AGBL1: variants seen among roughly 807,000 people sequenced by gnomAD.
AGBL1 encodes the protein AGBL carboxypeptidase 1.
AGBL1 carries 130 observed loss-of-function variants against 118.9 expected under a neutral mutation model. The observed-to-expected ratio is 1.09, with a 90% CI of 0.95 to 1.26. The LOEUF is 1.26. Among genes scored for constraint, AGBL1 ranks in the 50% most tolerant of loss-of-function variants. The pLI is 0.00. For synonymous variants in AGBL1, 555 were observed against 478.9 expected, an observed-to-expected ratio of 1.16 and a Z score of -2.08; for missense variants, 1,584 against 1,298.1, an observed-to-expected ratio of 1.22 and a Z score of -3.38.
At chr15:86,747,553 T>A (rs1017047429) in intron 22 of AGBL1, among the ~76,000 whole-genome samples, 1 of 152,172 alleles carries the variant, frequency 6.6e-6, no homozygotes, top group African/African-American at 2.4e-5. Flanking sequence ...TATGTATACA[T>A]GTGCCATGTT....
intron 23 of AGBL1, among the ~76,000 whole-genome samples, chr15:86,969,618 T>C (rs1466411431): frequency 6.6e-6 from 1 of 152,078 alleles, no homozygotes; most frequent in African/African-American, 2.4e-5. Flanking sequence ...TATGTGGGCA[T>C]ATGTGCATTT....
chr15:86,988,307 T>C (rs2081304271), intron 24 of AGBL1: 1 of 489,720 alleles, frequency 2.0e-6, no homozygotes, highest in Non-Finnish European at 3.6e-6. Context: ...GATTACTGGT[T>C]GTTCTGTATG....
At chr15:87,024,896 A>G (rs552740018) in intron 24 of AGBL1, among the ~76,000 whole-genome samples, 2 of 152,124 alleles carry the variant, frequency 1.3e-5, no homozygotes, top group Non-Finnish European at 2.9e-5. Flanking sequence ...TGATCTCAAT[A>G]GATGCAGAAA....
At chr15:86,624,789 C>CAGG (rs1201518783) in intron 21 of AGBL1, among the ~76,000 whole-genome samples, 11 of 152,164 alleles carry the variant, frequency 7.2e-5, no homozygotes, top group Admixed American at 4.6e-4. Flanking sequence ...TCTACAAACT[C>CAGG]AGGAGGGAGA....
intron 18 of AGBL1, among the ~76,000 whole-genome samples, chr15:86,479,247 T>G (rs1462263902): frequency 1.3e-5 from 2 of 152,046 alleles, no homozygotes; most frequent in African/African-American, 4.8e-5. Flanking sequence ...CTAATTAAAC[T>G]AAAGAGCTTC....
At chr15:86,105,463 T>C (rs1015267599) in intron 1 of AGBL1, 7 of 152,362 alleles carry the variant, frequency 4.6e-5, no homozygotes, top group African/African-American at 1.4e-4. Context: ...TAGTTAGATC[T>C]GTGTTCTGAA....
intron 18 of AGBL1, among the ~76,000 whole-genome samples, chr15:86,450,334 A>T (rs555965488): frequency 9.2e-5 from 14 of 152,278 alleles, no homozygotes; most frequent in Admixed American, 5.2e-4. Flanking sequence ...GTGCATTAGA[A>T]TTTTTAGGTA....
intron 22 of AGBL1, among the ~76,000 whole-genome samples, chr15:86,762,339 C>A (rs1280021323): frequency 6.6e-6 from 1 of 151,894 alleles, no homozygotes; most frequent in African/African-American, 2.4e-5. Context: ...ATGTAACAAA[C>A]CTCCACATCC....
chr15:86,579,039 A>G (rs759936932), intron 21 of AGBL1, among the ~76,000 whole-genome samples: 1 of 152,196 alleles, frequency 6.6e-6, no homozygotes, highest in Non-Finnish European at 1.5e-5. Flanking sequence ...AGCCTAGGGT[A>G]TAACAAAAGA....
At chr15:86,299,234 C>A (rs2079706861) in intron 17 of AGBL1, among the ~76,000 whole-genome samples, 1 of 152,150 alleles carries the variant, frequency 6.6e-6, no homozygotes, top group African/African-American at 2.4e-5. Flanking sequence ...CAAAATCATT[C>A]TCTGCCCTTT....
At chr15:87,016,269 GT>G (rs200112796) in intron 24 of AGBL1, among the ~76,000 whole-genome samples, 4,369 of 143,666 alleles carry the variant, frequency 0.03, 89 homozygotes, top group Middle Eastern at 0.063. Context: ...GGTGATTTAT[GT>G]TCAGCCATAT....
At chr15:86,267,458 G>T (rs1019080058) in intron 13 of AGBL1, among the ~76,000 whole-genome samples, 2 of 152,188 alleles carry the variant, frequency 1.3e-5, no homozygotes, top group African/African-American at 4.8e-5. Flanking sequence ...CTGTTGAAGG[G>T]AAGGGTACAT....
chr15:86,726,939 C>G (rs112214827), intron 22 of AGBL1, among the ~76,000 whole-genome samples: 1 of 152,042 alleles, frequency 6.6e-6, no homozygotes, highest in Admixed American at 6.5e-5. Flanking sequence ...ATGGTAGAAA[C>G]GTCGTTTTCC....
In AGBL1 at chr15:86,262,779, A is replaced by T. The variant is rs1325527201; in HGVS notation, c.971A>T (p.Asp324Val). The T allele has an allele frequency of 6.3e-7, 1 of 1,594,714 alleles. No homozygotes were observed. Among genetic ancestry groups the T allele is most frequent in the Admixed American group, 1.7e-5 (1 of 58,846 alleles). Residue 324 changes from aspartate to valine, a missense_variant and splice_region_variant, in exon 10 of 23, where the codon GAT (aspartate) becomes GTT (valine). Asp to Val is a radical substitution (Grantham distance 152). Transcript: ENST00000614907. ...TCTTCTATGACTATTCCATTTTAGG[A>T]TGATGACTTGGAAACAGACGTGAAC... ...DSDTEDGKVE[D>V]DDLETDVNKL...
At chr15:86,822,671 C>T (rs2078957595) in intron 22 of AGBL1, among the ~76,000 whole-genome samples, 1 of 152,120 alleles carries the variant, frequency 6.6e-6, no homozygotes, top group African/African-American at 2.4e-5. Flanking sequence ...AAGAGGCTGA[C>T]ATATGCAGTT....
intron 5 of AGBL1, among the ~76,000 whole-genome samples, chr15:86,161,563 T>TG (rs1212705111): frequency 6.6e-6 from 1 of 152,196 alleles, no homozygotes; most frequent in African/African-American, 2.4e-5. Context: ...TCTACAACCA[T>TG]CATATGTAAG....
intron 22 of AGBL1, among the ~76,000 whole-genome samples, chr15:86,782,389 A>G (rs1392133683): frequency 6.6e-6 from 1 of 152,194 alleles, no homozygotes; most frequent in African/African-American, 2.4e-5. Flanking sequence ...AAAGCAGACA[A>G]GACAATTCAG....
intron 22 of AGBL1, among the ~76,000 whole-genome samples, chr15:86,676,931 T>C (rs1182910083): frequency 6.6e-6 from 1 of 151,942 alleles, no homozygotes; most frequent in African/African-American, 2.4e-5. Context: ...TAAAACCCCG[T>C]CTTGAACCTG....
intron 24 of AGBL1, among the ~76,000 whole-genome samples, chr15:86,997,977 T>C (rs1230529200): frequency 2.6e-5 from 4 of 151,992 alleles, no homozygotes; most frequent in African/African-American, 9.7e-5. Context: ...TTTCTTATAC[T>C]TTACATGTTC....
Sources: gnomAD v4.1 joint callset for allele counts (sites outside exome capture counted in the v4.1 genomes callset) on GRCh38, gnomAD v4.1.1 for gene constraint, MANE v1.5 for transcripts, NCBI Gene and HGNC (gene_info 2026-07-23, HGNC 2026-07-21) for gene names.